Variants in QTMAN observed in about 807,000 individuals in gnomAD.
QTMAN encodes tRNA-queuosine alpha-mannosyltransferase.
chr2:144,212,543 C>G, the QTMAN span, among the ~76,000 whole-genome samples: 1 of 151,998 alleles, frequency 6.6e-6, no homozygotes, highest in African/African-American at 2.4e-5. Context: ...GAAGAAACAA[C>G]AAAAAACTTA....
chr2:144,147,134 T>C, the QTMAN span, among the ~76,000 whole-genome samples: 85 of 151,868 alleles, frequency 5.6e-4, no homozygotes, highest in South Asian at 6.4e-3. Context: ...ACATAATAAG[T>C]GCATATATCA....
At chr2:144,167,388 G>C in the QTMAN span, among the ~76,000 whole-genome samples, 1 of 152,062 alleles carries the variant, frequency 6.6e-6, no homozygotes, top group African/African-American at 2.4e-5. Flanking sequence ...GTAACTACTT[G>C]GATGCCATGC....
chr2:144,187,074 T>TA, the QTMAN span, among the ~76,000 whole-genome samples: 1 of 152,246 alleles, frequency 6.6e-6, no homozygotes, highest in East Asian at 1.9e-4. Context: ...AGCAGACAAA[T>TA]AACACCTTAT....
the QTMAN span, among the ~76,000 whole-genome samples, chr2:144,112,993 C>T: frequency 5.3e-5 from 8 of 152,058 alleles, no homozygotes; most frequent in Non-Finnish European, 1.0e-4. Context: ...TGTAAAAAAA[C>T]CCTCAAAACC....
At chr2:144,078,901 G>T in the QTMAN span, among the ~76,000 whole-genome samples, 7 of 152,142 alleles carry the variant, frequency 4.6e-5, no homozygotes, top group South Asian at 1.5e-3. Flanking sequence ...TCTCAAAGTG[G>T]CATTTTTCTT....
At chr2:144,220,556 C>A in the QTMAN span, among the ~76,000 whole-genome samples, 6 of 152,138 alleles carry the variant, frequency 3.9e-5, no homozygotes, top group Admixed American at 3.9e-4. Flanking sequence ...CAGAGTATTC[C>A]TTACAAACTA....
chr2:144,063,826 G>T, the QTMAN span, among the ~76,000 whole-genome samples: 1 of 152,140 alleles, frequency 6.6e-6, no homozygotes, highest in African/African-American at 2.4e-5. Context: ...CAAGTGCCAT[G>T]AAAATTAGCA....
At chr2:144,072,978 A>G in the QTMAN span, among the ~76,000 whole-genome samples, 1 of 152,242 alleles carries the variant, frequency 6.6e-6, no homozygotes, top group Admixed American at 6.5e-5. Flanking sequence ...CTCTGTGGCC[A>G]TATTTCTCTA....
chr2:144,136,182 C>G, the QTMAN span, among the ~76,000 whole-genome samples: 1 of 151,736 alleles, frequency 6.6e-6, no homozygotes, highest in Non-Finnish European at 1.5e-5. Context: ...AAAAAATTAG[C>G]TGGATGTGGA....
At chr2:144,157,310 G>A in the QTMAN span, among the ~76,000 whole-genome samples, 1 of 151,960 alleles carries the variant, frequency 6.6e-6, no homozygotes, top group Admixed American at 6.6e-5. Context: ...ACATTTGAGG[G>A]TCACATGTCT....
the QTMAN span, among the ~76,000 whole-genome samples, chr2:144,245,131 A>G: frequency 6.6e-6 from 1 of 152,266 alleles, no homozygotes; most frequent in African/African-American, 2.4e-5. Flanking sequence ...AATTGTAATT[A>G]GCATCATGAA....
the QTMAN span, among the ~76,000 whole-genome samples, chr2:143,959,494 G>T: frequency 6.6e-6 from 1 of 152,192 alleles, no homozygotes; most frequent in Middle Eastern, 3.4e-3. Context: ...GATCCTGGAG[G>T]AATGTCACAG....
At chr2:144,145,404 T>C in the QTMAN span, among the ~76,000 whole-genome samples, 2 of 151,904 alleles carry the variant, frequency 1.3e-5, no homozygotes, top group Non-Finnish European at 2.9e-5. Context: ...AAATGATTAG[T>C]TGTGATCTTA....
the QTMAN span, among the ~76,000 whole-genome samples, chr2:144,304,361 T>C: frequency 6.6e-6 from 1 of 152,190 alleles, no homozygotes; most frequent in Non-Finnish European, 1.5e-5. Context: ...GAACGTAAAC[T>C]GCCTGCTAAA....
At chr2:144,133,560 ATAT>A in the QTMAN span, among the ~76,000 whole-genome samples, 2 of 117,378 alleles carry the variant, frequency 1.7e-5, no homozygotes, top group African/African-American at 6.5e-5. Flanking sequence ...ATAAATATAA[ATAT>A]TATAATAAAA....
chr2:144,141,994 T>G, the QTMAN span: 2 of 1,610,384 alleles, frequency 1.2e-6, no homozygotes, highest in African/African-American at 1.3e-5. Flanking sequence ...AATTTTCCCA[T>G]GGAAGTGAGA....
the QTMAN span, among the ~76,000 whole-genome samples, chr2:144,292,093 A>G: frequency 6.6e-6 from 1 of 152,230 alleles, no homozygotes; most frequent in Non-Finnish European, 1.5e-5. Context: ...TGTAATATCT[A>G]CTACAAACAA....
chr2:143,956,598 A>G, the QTMAN span, among the ~76,000 whole-genome samples: 1 of 152,134 alleles, frequency 6.6e-6, no homozygotes, highest in Non-Finnish European at 1.5e-5. Context: ...TTATGTTATT[A>G]TGCTTTACAT....
At chr2:144,174,288 G>A in the QTMAN span, among the ~76,000 whole-genome samples, 28 of 152,164 alleles carry the variant, frequency 1.8e-4, no homozygotes, top group Admixed American at 9.8e-4. Flanking sequence ...GACCACTCTG[G>A]ATTCCTCCTC....
Sources: gnomAD v4.1 joint callset for allele counts (sites outside exome capture counted in the v4.1 genomes callset) on GRCh38, gnomAD v4.1.1 for gene constraint, MANE v1.5 for transcripts, NCBI Gene and HGNC (gene_info 2026-07-23, HGNC 2026-07-21) for gene names.